The following FSHR variants were observed in gnomAD, a reference collection of about 807,000 sequenced individuals.
FSHR encodes the protein follicle stimulating hormone receptor, also known as follicle-stimulating hormone receptor.
FSHR carries 46 observed loss-of-function variants against 52.1 expected under a neutral mutation model. That is an observed-to-expected ratio of 0.88 (90% confidence interval 0.70 to 1.13). The LOEUF (loss-of-function observed/expected upper bound fraction) is 1.13. Ranked by LOEUF, FSHR falls within the 50% of genes most tolerant of loss-of-function variation. The probability of loss-of-function intolerance (pLI) is 0.00; values close to 1 mark genes in which losing one functional copy is unlikely to be tolerated. For missense variants in FSHR, 964 were observed against 834.6 expected (o/e 1.16, Z -1.91); for synonymous variants, 399 against 309.6 (o/e 1.29, Z -3.03).
intron 1 of FSHR, among the ~76,000 whole-genome samples, chr2:49,074,207 G>C (rs1007018081): frequency 2.0e-5 from 3 of 151,948 alleles, no homozygotes; most frequent in African/African-American, 7.2e-5. Flanking sequence ...AAACCAAAAA[G>C]CTTCTTCACA....
chr2:48,965,233 T>C (rs1674421117), intron 9 of FSHR, among the ~76,000 whole-genome samples: 1 of 152,150 alleles, frequency 6.6e-6, no homozygotes, highest in Admixed American at 6.5e-5. Flanking sequence ...CAACCTATTA[T>C]ACAGGGACTG....
chr2:48,977,086 G>T (rs1429764516), intron 8 of FSHR, among the ~76,000 whole-genome samples: 1 of 151,374 alleles, frequency 6.6e-6, no homozygotes, highest in Non-Finnish European at 1.5e-5. Context: ...ATGTATCCCA[G>T]AACTTAAAAT....
At position 49,045,372 on chromosome 2, in the gene FSHR, A is replaced by G. The variant is rs190040029; in HGVS notation, c.224+22847T>C. Among the ~76,000 whole-genome samples the G allele has an allele frequency of 3.9e-5, 6 of 152,310 alleles. No homozygotes were observed. In the East Asian group the frequency reaches 1.2e-3, roughly 29 times the overall value. On this transcript the variant is annotated intron_variant, in intron 2 of 9. Transcript: ENST00000406846. ...CTCCACAGTAGTTAGATCCTCAGTG[A>G]TTTGTATGCACATTAAATTTTGAAG...
At chr2:49,138,713 C>A in intron 1 of FSHR, among the ~76,000 whole-genome samples, 1 of 152,146 alleles carries the variant, frequency 6.6e-6, no homozygotes, top group African/African-American at 2.4e-5. Flanking sequence ...TGATAGCTAA[C>A]ATGTATGAGT....
At chr2:49,005,978 G>A (rs758328817) in intron 4 of FSHR, among the ~76,000 whole-genome samples, 4 of 152,072 alleles carry the variant, frequency 2.6e-5, no homozygotes, top group Non-Finnish European at 5.9e-5. Flanking sequence ...TATAAAGCAG[G>A]CAGAAAAAAC....
intron 1 of FSHR, among the ~76,000 whole-genome samples, chr2:49,144,726 G>A (rs1435568706): frequency 2.0e-5 from 3 of 152,212 alleles, no homozygotes; most frequent in East Asian, 3.9e-4. Context: ...CTGCCCTGAC[G>A]AGAAATTAGC....
chr2:49,012,121 G>T (rs1429825809), intron 4 of FSHR, among the ~76,000 whole-genome samples: 1 of 152,108 alleles, frequency 6.6e-6, no homozygotes, highest in African/African-American at 2.4e-5. Flanking sequence ...GGGGCTTACA[G>T]CACTGTGTGA....
intron 1 of FSHR, among the ~76,000 whole-genome samples, chr2:49,073,245 A>G (rs566495225): frequency 6.6e-6 from 1 of 152,196 alleles, no homozygotes; most frequent in African/African-American, 2.4e-5. Context: ...AGGTCATCCA[A>G]ATTGGAAAAG....
chr2:48,987,416 T>G (rs924434625), intron 6 of FSHR, among the ~76,000 whole-genome samples: 12 of 152,104 alleles, frequency 7.9e-5, no homozygotes, highest in African/African-American at 2.4e-4. Flanking sequence ...TTCACTGTAT[T>G]AGACAGGATT....
chr2:49,068,195 C>G (rs1190077419), intron 2 of FSHR, 24 bp downstream of exon 2: 5 of 1,591,820 alleles, frequency 3.1e-6, no homozygotes, highest in South Asian at 1.1e-5. Context: ...GAGGCATTCA[C>G]TCACAGCAGT....
intron 4 of FSHR, chr2:49,014,631 A>T (rs186594012): frequency 7.4e-6 from 2 of 269,360 alleles, no homozygotes; most frequent in East Asian, 2.2e-4. Flanking sequence ...ATGTGGGTCA[A>T]TGATGAGGTC....
intron 2 of FSHR, among the ~76,000 whole-genome samples, chr2:49,057,177 T>C (rs1669093873): frequency 6.6e-6 from 1 of 151,716 alleles, no homozygotes; most frequent in Non-Finnish European, 1.5e-5. Flanking sequence ...AGAGCAGAAA[T>C]AAATGAAATT....
chr2:48,963,649 T>A lies in FSHR; in HGVS notation c.1172A>T (p.Gln391Leu). 6.2e-7 allele frequency: 1 copy of A among 1,614,154 alleles called. No individual in the cohort carries two copies. ...GAACCTGGGGACTGTGAGTTTATAT[T>A]GGCTGGTAGTTAGGATCACTAGCAC... The part of the protein sequence containing the change: ...IIVLVILTTS[Q>L]YKLTVPRFLM... Residue 391 changes from glutamine (Q) to leucine (L), a missense_variant, in exon 10 of 10, where the codon CAA becomes CTA. Gln to Leu is a moderately radical substitution (Grantham distance 113). Coordinates refer to ENST00000406846, the MANE Select transcript of FSHR (RefSeq NM_000145.4).
intron 8 of FSHR, among the ~76,000 whole-genome samples, chr2:48,969,328 G>A (rs1295365722): frequency 3.9e-5 from 6 of 152,296 alleles, no homozygotes; most frequent in African/African-American, 1.4e-4. Flanking sequence ...CAGAAAAAGG[G>A]ACAAGAAGGA....
At chr2:49,060,720 C>G (rs1056516185) in intron 2 of FSHR, among the ~76,000 whole-genome samples, 3 of 152,196 alleles carry the variant, frequency 2.0e-5, no homozygotes, top group Admixed American at 6.5e-5. Flanking sequence ...CCAAATACCT[C>G]TAGTACCTTG....
intron 1 of FSHR, among the ~76,000 whole-genome samples, chr2:49,144,263 C>G (rs537490619): frequency 6.6e-6 from 1 of 152,278 alleles, no homozygotes; most frequent in Admixed American, 6.5e-5. Flanking sequence ...CTAGCTGTTT[C>G]TTTGGCTGAG....
chr2:48,978,843 C>G (rs1675110205), intron 8 of FSHR, among the ~76,000 whole-genome samples: 1 of 152,192 alleles, frequency 6.6e-6, no homozygotes, highest in African/African-American at 2.4e-5. Flanking sequence ...CTATTCTTCC[C>G]TCAACTACAA....
At chr2:48,997,291 G>C (rs1922464) in intron 4 of FSHR, 631,888 of 983,618 alleles carry the variant, frequency 0.64, 204,884 homozygotes, top group Non-Finnish European at 0.66. Flanking sequence ...AAAACTAGAA[G>C]TATTTAACTC....
chr2:49,144,475 G>C (rs1236587249), intron 1 of FSHR, among the ~76,000 whole-genome samples: 1 of 152,110 alleles, frequency 6.6e-6, no homozygotes, highest in East Asian at 1.9e-4. Flanking sequence ...GAGTTCAGCA[G>C]ATTTTCACAA....
Sources: allele counts gnomAD v4.1 joint callset (sites outside exome capture counted in the v4.1 genomes callset), GRCh38; gene constraint gnomAD v4.1.1; transcripts MANE v1.5; gene names NCBI Gene and HGNC (gene_info 2026-07-23, HGNC 2026-07-21).